The following LARP4 variants were observed in gnomAD, a reference collection of about 807,000 sequenced individuals.
LARP4 encodes la-related protein 4.
Under a neutral mutation model 92.9 loss-of-function variants are expected in LARP4, and 29 were observed. The ratio of observed to expected loss-of-function variants is 0.31; its 90% CI spans 0.23 to 0.43. The LOEUF is 0.43. LARP4 is among the 20% of genes least tolerant of loss of function. LARP4 has a pLI of 1.00. For synonymous variants in LARP4, 279 were observed against 284.1 expected (o/e 0.98, Z 0.18); for missense variants, 732 against 860.0 (o/e 0.85, Z 1.86).
intron 4 of LARP4, 32 bp downstream of exon 4, chr12:50,430,602 T>C (rs1949502258): frequency 2.3e-6 from 3 of 1,288,578 alleles, no homozygotes; most frequent in Non-Finnish European, 3.3e-6. Context: ...TGAATTTTAT[T>C]AGTAGATGTA....
chr12:50,468,257 C>T (rs1327958203), intron 13 of LARP4, among the ~76,000 whole-genome samples: 5 of 151,968 alleles, frequency 3.3e-5, no homozygotes, highest in Admixed American at 6.6e-5. Flanking sequence ...GAATTACAAG[C>T]GTGAGCCACT....
intron 13 of LARP4, among the ~76,000 whole-genome samples, chr12:50,467,792 C>T (rs1956344481): frequency 1.3e-5 from 2 of 151,854 alleles, no homozygotes; most frequent in South Asian, 2.1e-4. Flanking sequence ...GTGTGTAGAC[C>T]TCTCCATATC....
chr12:50,416,108 T>A (rs530594394), intron 1 of LARP4, among the ~76,000 whole-genome samples: 1 of 152,330 alleles, frequency 6.6e-6, no homozygotes, highest in African/African-American at 2.4e-5. Context: ...GTTTATAACT[T>A]CCATTTTGCA....
chr12:50,444,157 C>G (rs146526461), intron 8 of LARP4, among the ~76,000 whole-genome samples: 6 of 152,020 alleles, frequency 3.9e-5, no homozygotes, highest in Non-Finnish European at 5.9e-5. Context: ...CTACATTATT[C>G]ATTATTATGG....
Position 50,405,200 on chromosome 12 carries a change from A to AT in LARP4, c.18+4180dup, listed in dbSNP as rs199750299. On this transcript the variant is annotated intron_variant, in intron 1 of 15. Transcript: ENST00000398473. Reference sequence around the variant, plus strand: ...AGGCGTGAGCCACCGCGCCTGGCAGATTTTTTTTCCACCTCTGTTCTGAAG... The same window carrying AT: ...AGGCGTGAGCCACCGCGCCTGGCAGATTTTTTTTTCCACCTCTGTTCTGAAG... Among the ~76,000 whole-genome samples the AT allele has an allele frequency of 8.0e-3, 1,212 of 151,850 alleles. 15 individuals are homozygous for AT. The highest frequency in any genetic ancestry group is 0.028 in the African/African-American group (1,158 of 41,404).
chr12:50,450,202 T>C (rs2138125954), intron 8 of LARP4, among the ~76,000 whole-genome samples: 1 of 152,302 alleles, frequency 6.6e-6, no homozygotes, highest in South Asian at 2.1e-4. Context: ...AGTGCTGGGA[T>C]TACAGGCGTG....
At chr12:50,437,114 A>G (rs1038254374) in intron 5 of LARP4, among the ~76,000 whole-genome samples, 7 of 152,166 alleles carry the variant, frequency 4.6e-5, no homozygotes, top group African/African-American at 1.7e-4. Flanking sequence ...TTACCTGTTC[A>G]TGGAGATCTG....
At chr12:50,404,615 T>C (rs1387703865) in intron 1 of LARP4, among the ~76,000 whole-genome samples, 1 of 151,966 alleles carries the variant, frequency 6.6e-6, no homozygotes, top group Non-Finnish European at 1.5e-5. Context: ...AGTCTCGCTC[T>C]GAGACCGAGG....
At chr12:50,461,424 A>G in intron 11 of LARP4, 77 bp downstream of exon 11, 1 of 1,261,544 alleles carries the variant, frequency 7.9e-7, no homozygotes, top group Non-Finnish European at 1.1e-6. Flanking sequence ...GATCTTCATA[A>G]TAATTAAATG....
At chr12:50,460,606 G>A (rs1218219063) in intron 10 of LARP4, among the ~76,000 whole-genome samples, 1 of 152,026 alleles carries the variant, frequency 6.6e-6, no homozygotes, top group Non-Finnish European at 1.5e-5. Context: ...TTACAGGCGT[G>A]AGCCACTGTG....
rs1260526387 is a variant in LARP4 at position 50,430,685 on chromosome 12, A to G, written c.398+115A>G. ...ATTTTTTTTTTTATTTTCTTGAGAC[A>G]GAGTCTCATGTTGTCGCTGGGCTGG... is the stretch of plus-strand genomic sequence containing the variant. On this transcript the variant is annotated intron_variant, in intron 4 of 15. Coordinates refer to ENST00000398473, the MANE Select transcript of LARP4 (RefSeq NM_052879.5). 25 of 602,154 alleles carry G rather than the reference A, an allele frequency of 4.2e-5. No homozygotes were observed. The Admixed American group carries it at 8.0e-4, about 19-fold the overall frequency. 37.3% of individuals were successfully genotyped at this position (602,154 alleles called of 1,614,324 possible).
intron 10 of LARP4, among the ~76,000 whole-genome samples, chr12:50,459,119 C>A (rs1216552979): frequency 6.6e-6 from 1 of 152,170 alleles, no homozygotes; most frequent in Non-Finnish European, 1.5e-5. Flanking sequence ...CTGCCTCAGC[C>A]TCCTGAATAG....
chr12:50,424,745 G>A (rs920153583), intron 1 of LARP4, among the ~76,000 whole-genome samples: 1 of 152,118 alleles, frequency 6.6e-6, no homozygotes, highest in African/African-American at 2.4e-5. Flanking sequence ...GAAGAGTTAA[G>A]AAATTTTGCC....
At chr12:50,461,104 C>A in intron 10 of LARP4, 31 bp from the exon 11 acceptor site, 1 of 1,557,880 alleles carries the variant, frequency 6.4e-7, no homozygotes, top group Non-Finnish European at 8.9e-7. Flanking sequence ...CGATTTACTG[C>A]TTTGTGTATA....
intron 1 of LARP4, among the ~76,000 whole-genome samples, chr12:50,405,050 C>A (rs1332070356): frequency 6.6e-6 from 1 of 151,234 alleles, no homozygotes; most frequent in Non-Finnish European, 1.5e-5. Context: ...GCCACCATGC[C>A]TGGCCTTTTT....
At chr12:50,430,618 C>T (rs376509152) in intron 4 of LARP4, 48 bp downstream of exon 4, 28 of 1,126,702 alleles carry the variant, frequency 2.5e-5, no homozygotes, top group East Asian at 2.4e-4. Context: ...ATGTAAAATA[C>T]GTGTGAAATA....
intron 8 of LARP4, among the ~76,000 whole-genome samples, chr12:50,449,311 G>A (rs779563510): frequency 2.7e-4 from 41 of 152,052 alleles, no homozygotes; most frequent in Non-Finnish European, 5.1e-4. Context: ...TTTTCTTTTG[G>A]AAGTTTATGG....
At chr12:50,473,943 G>C in intron 14 of LARP4, 56 bp from the exon 15 acceptor site, 1 of 1,444,012 alleles carries the variant, frequency 6.9e-7, no homozygotes, top group South Asian at 1.2e-5. Context: ...CTGATTAGTT[G>C]CTCAACTGTT....
intron 3 of LARP4, 71 bp from the exon 4 acceptor site, chr12:50,430,424 A>G: frequency 1.3e-6 from 1 of 778,300 alleles, no homozygotes; most frequent in Non-Finnish European, 2.2e-6. Flanking sequence ...TCTGAGTACA[A>G]CAGTATGTCA....
Sources: gnomAD v4.1 joint callset for allele counts (sites outside exome capture counted in the v4.1 genomes callset) on GRCh38, gnomAD v4.1.1 for gene constraint, MANE v1.5 for transcripts, NCBI Gene and HGNC (gene_info 2026-07-23, HGNC 2026-07-21) for gene names.